Variants in TSHR observed in about 807,000 individuals in gnomAD.
The protein encoded by TSHR is thyrotropin receptor.
In TSHR, 51 loss-of-function variants were observed where a neutral mutation model predicts 64.1. The observed-to-expected ratio is 0.80, with a 90% CI of 0.64 to 1.01. The LOEUF (loss-of-function observed/expected upper bound fraction) is 1.01. TSHR is among the 50% of genes least tolerant of loss of function. The pLI, the probability that TSHR is intolerant of heterozygous loss-of-function variation, is 0.00. For synonymous variants in TSHR, 361 were observed against 361.9 expected (o/e 1.00, Z 0.03); for missense variants, 877 against 942.8 (o/e 0.93, Z 0.91).
chr14:80,982,727 T>C (rs1317815245), intron 1 of TSHR: 2 of 814,314 alleles, frequency 2.5e-6, no homozygotes, highest in Non-Finnish European at 1.8e-6. Context: ...CCTTCATATA[T>C]TGTTTTGGCC....
intron 1 of TSHR, among the ~76,000 whole-genome samples, chr14:81,061,509 T>C (rs1471527353): frequency 6.6e-6 from 1 of 152,082 alleles, no homozygotes; most frequent in Non-Finnish European, 1.5e-5. Context: ...TGGATGGAGC[T>C]GGAGGCCATT....
intron 8 of TSHR, among the ~76,000 whole-genome samples, chr14:81,121,046 C>A (rs1015909450): frequency 1.5e-4 from 23 of 151,854 alleles, no homozygotes; most frequent in Admixed American, 1.4e-3. Context: ...ATTCAAGCCA[C>A]GAGGTCCACA....
At chr14:81,138,866 T>C (rs1273381799) in intron 8 of TSHR, among the ~76,000 whole-genome samples, 1 of 152,216 alleles carries the variant, frequency 6.6e-6, no homozygotes, top group Non-Finnish European at 1.5e-5. Context: ...ATTCAAGCTA[T>C]TAATGGTGCC....
chr14:81,060,795 G>C (rs1404015449), intron 1 of TSHR, among the ~76,000 whole-genome samples: 3 of 152,056 alleles, frequency 2.0e-5, no homozygotes, highest in African/African-American at 7.2e-5. Context: ...CAGACACATG[G>C]AGAAGCTAAG....
At chr14:81,088,120 G>C in intron 4 of TSHR, 92 bp downstream of exon 4, 1 of 1,037,800 alleles carries the variant, frequency 9.6e-7, no homozygotes, top group South Asian at 1.3e-5. Context: ...TAGATGATGT[G>C]GTCCAGGTTC....
At chr14:81,017,348 T>C (rs937974984) in intron 1 of TSHR, among the ~76,000 whole-genome samples, 1 of 152,174 alleles carries the variant, frequency 6.6e-6, no homozygotes, top group African/African-American at 2.4e-5. Context: ...GAAGATCAGA[T>C]TGGGCACCAG....
intron 1 of TSHR, among the ~76,000 whole-genome samples, chr14:80,996,586 T>C (rs1325757670): frequency 1.9e-5 from 1 of 53,700 alleles, no homozygotes; most frequent in Non-Finnish European, 4.6e-5. Flanking sequence ...CACATTGAGA[T>C]CTGGTCCTCA....
chr14:81,090,632 T>C (rs1298952627), intron 4 of TSHR, among the ~76,000 whole-genome samples: 1 of 152,160 alleles, frequency 6.6e-6, no homozygotes, highest in African/African-American at 2.4e-5. Flanking sequence ...AACAGCATAA[T>C]ATCATGTAGA....
At chr14:81,029,357 C>T (rs1176891212) in intron 1 of TSHR, among the ~76,000 whole-genome samples, 1 of 151,906 alleles carries the variant, frequency 6.6e-6, no homozygotes, top group Non-Finnish European at 1.5e-5. Context: ...TATATATTAG[C>T]TTCTCATATA....
chr14:81,088,564 A>G (rs978975733), intron 4 of TSHR, among the ~76,000 whole-genome samples: 2 of 151,914 alleles, frequency 1.3e-5, no homozygotes, highest in African/African-American at 4.8e-5. Context: ...GGACCACAAC[A>G]TTTTTTTTCT....
At chr14:81,094,036 A>C (rs1888967297) in intron 6 of TSHR, among the ~76,000 whole-genome samples, 1 of 152,176 alleles carries the variant, frequency 6.6e-6, no homozygotes, top group Non-Finnish European at 1.5e-5. Context: ...GTTTCTAGAA[A>C]CATCTGAGTG....
At chr14:81,017,435 G>A (rs1180488629) in intron 1 of TSHR, among the ~76,000 whole-genome samples, 1 of 152,134 alleles carries the variant, frequency 6.6e-6, no homozygotes, top group Non-Finnish European at 1.5e-5. Context: ...TGGAGAGAGT[G>A]CACAAAGAAA....
At chr14:81,083,220 C>A (rs1188500642) in intron 3 of TSHR, among the ~76,000 whole-genome samples, 1 of 152,040 alleles carries the variant, frequency 6.6e-6, no homozygotes, top group African/African-American at 2.4e-5. Flanking sequence ...CTGTGCTACG[C>A]TTTTATTGAG....
At chr14:81,134,926 G>A (rs1218297067) in intron 8 of TSHR, among the ~76,000 whole-genome samples, 2 of 152,074 alleles carry the variant, frequency 1.3e-5, no homozygotes, top group Non-Finnish European at 2.9e-5. Context: ...TCACACCAGG[G>A]ATAAAGAGAA....
At chr14:81,137,520 G>A (rs1292918281) in intron 8 of TSHR, among the ~76,000 whole-genome samples, 1 of 152,062 alleles carries the variant, frequency 6.6e-6, no homozygotes, top group African/African-American at 2.4e-5. Context: ...CTCAGCCCTG[G>A]CACCAGACAT....
At chr14:80,956,237 A>T (rs1359613496) in intron 1 of TSHR, among the ~76,000 whole-genome samples, 1 of 152,264 alleles carries the variant, frequency 6.6e-6, no homozygotes, top group Non-Finnish European at 1.5e-5. Flanking sequence ...GTAATAAAAA[A>T]TTGCAAAAAT....
At chr14:80,961,624 A>G (rs889785125) in intron 1 of TSHR, among the ~76,000 whole-genome samples, 1 of 152,212 alleles carries the variant, frequency 6.6e-6, no homozygotes. Flanking sequence ...GGTTGAGGTG[A>G]ATTCTGATGT....
In TSHR at chr14:81,042,772, T is replaced by C. The variant is rs75663338; in HGVS notation, c.171-19376T>C. 3.5e-3 allele frequency among the ~76,000 whole-genome samples: 528 copies of C among 152,210 alleles called. 19 individuals are homozygous for C. The East Asian group carries it at 0.09, about 26-fold the overall frequency. ...CGACATTGCATTGTATATTTCAAAA[T>C]AGCTAGGATAGAGTGTTTTCAATGT... On this transcript the variant is annotated intron_variant, in intron 1 of 9. Transcript: ENST00000298171.
intron 9 of TSHR, among the ~76,000 whole-genome samples, chr14:81,142,618 T>C (rs900104616): frequency 6.7e-6 from 1 of 150,024 alleles, no homozygotes; most frequent in Non-Finnish European, 1.5e-5. Flanking sequence ...TTTTTTTTTT[T>C]TTTTTTTTGA....
Sources: allele counts gnomAD v4.1 joint callset (sites outside exome capture counted in the v4.1 genomes callset), GRCh38; gene constraint gnomAD v4.1.1; transcripts MANE v1.5; gene names NCBI Gene and HGNC (gene_info 2026-07-23, HGNC 2026-07-21).